The following FPR2 variants were observed in gnomAD, a reference collection of about 807,000 sequenced individuals.
The protein encoded by FPR2 is N-formyl peptide receptor 2.
Under a neutral mutation model 4.0 loss-of-function variants are expected in FPR2, and 3 were observed. The ratio of observed to expected loss-of-function variants is 0.74; its 90% CI spans 0.34 to 1.92. The LOEUF (loss-of-function observed/expected upper bound fraction) is 1.92, where lower values mean the gene tolerates loss of function less well. FPR2 is among the 30% of genes most tolerant of loss of function. FPR2 has a pLI of 0.07. For missense variants in FPR2, 372 were observed against 435.7 expected (o/e 0.85, Z 1.30); for synonymous variants, 179 against 171.5 (o/e 1.04, Z -0.34).
rs1490926137 is a variant in FPR2, at chr19:51,769,071, CTG to C, written c.416_417del (p.Val139GlufsTer49). 5 of 1,614,098 alleles carry C rather than the reference CTG, an allele frequency of 3.1e-6. No individual in the cohort carries two copies. Among genetic ancestry groups the C allele is most frequent in the Non-Finnish European group, 4.2e-6 (5 of 1,180,052 alleles). Reference sequence around the variant, plus strand: ...CCAGTCTGGGCCCAGAACCACCGCACTGTGAGTCTGGCCATGAAGGTGATCGT... The same window carrying C: ...CCAGTCTGGGCCCAGAACCACCGCACTGAGTCTGGCCATGAAGGTGATCGT... On this transcript the variant is annotated frameshift_variant, in exon 2 of 2. Coordinates refer to ENST00000340023, the MANE Select transcript of FPR2 (RefSeq NM_001005738.2). LOFTEE classifies it low-confidence loss of function (END_TRUNC). The surrounding 1 kb of genome is among the most constrained non-coding windows in gnomAD (Gnocchi z 4.4).
chr19:51,764,036 G>T (rs1275285175), intron 1 of FPR2, among the ~76,000 whole-genome samples: 1 of 152,192 alleles, frequency 6.6e-6, no homozygotes, highest in Non-Finnish European at 1.5e-5. Context: ...TGGGATTACA[G>T]GTGTGAGCCA....
At position 51,769,766 on chromosome 19, in the gene FPR2, T is replaced by G. The variant is rs1201188897; in HGVS notation, c.*52T>G. ...CTGTTCATCCTACCCTAATGCCAGT[T>G]CCAGCTTCATCTACCCTTGAGTCAT... On this transcript the variant is annotated 3_prime_UTR_variant, in exon 2 of 2. Transcript: ENST00000340023. This position sits in a 1 kb window ranked among gnomAD's most constrained non-coding sequence, Gnocchi z 4.4. The G allele has an allele frequency of 2.4e-5, 35 of 1,447,680 alleles. No individual in the cohort carries two copies. In the East Asian group the frequency reaches 8.0e-4, roughly 33 times the overall value. 89.7% of individuals were successfully genotyped at this position (1,447,680 alleles called of 1,614,324 possible). A position where few individuals can be genotyped will look rare whatever the true frequency, so the allele number is the denominator to read the frequency against.
At chr19:51,766,712 A>G (rs1399562137) in intron 1 of FPR2, among the ~76,000 whole-genome samples, 1 of 152,162 alleles carries the variant, frequency 6.6e-6, no homozygotes, top group African/African-American at 2.4e-5. Context: ...GTTGAAAAAA[A>G]CTACAGAAGT....
chr19:51,769,304 A>T lies in FPR2; in HGVS notation c.646A>T (p.Ile216Phe). 6.2e-7 allele frequency: 1 copy of T among 1,614,140 alleles called. No homozygotes were observed. Among genetic ancestry groups the T allele is most frequent in the Middle Eastern group, 1.6e-4 (1 of 6,062 alleles). Residue 216 changes from isoleucine to phenylalanine, a missense_variant, in exon 2 of 2, where the codon ATT becomes TTT. Physicochemically the swap from Ile to Phe is conservative, Grantham distance 21. Transcript: ENST00000340023. The surrounding 1 kb of genome is among the most constrained non-coding windows in gnomAD (Gnocchi z 4.4). ...CATTGGCTTTAGCTTGCCGATGTCC[A>T]TTGTTGCCATCTGCTATGGGCTCAT... ...FVIGFSLPMS[I>F]VAICYGLIAA...
chr19:51,766,459 G>A (rs529864003), intron 1 of FPR2, among the ~76,000 whole-genome samples: 3 of 152,290 alleles, frequency 2.0e-5, no homozygotes, highest in South Asian at 2.1e-4. Context: ...GAAACCCTGA[G>A]CTACATTAAA....
At chr19:51,764,536 C>T (rs959906246) in intron 1 of FPR2, among the ~76,000 whole-genome samples, 5 of 152,118 alleles carry the variant, frequency 3.3e-5, no homozygotes, top group African/African-American at 7.2e-5. Flanking sequence ...TTGCAACCCT[C>T]GATAATTGTG....
rs544547307 is a variant in FPR2 at position 51,761,238 on chromosome 19, G to C, written c.-15+8G>C. 14 of 152,334 alleles carry C rather than the reference G, an allele frequency of 9.2e-5. No homozygotes were observed. The highest frequency in any genetic ancestry group is 3.4e-4 in the African/African-American group (14 of 41,570). The allele number at this position is 152,334 out of a possible 1,614,324, so 9.4% of individuals were successfully genotyped here. A position where few individuals can be genotyped will look rare whatever the true frequency, so the allele number is the denominator to read the frequency against. On this transcript the variant is annotated splice_region_variant and intron_variant, in intron 1 of 1. Coordinates refer to ENST00000340023, the MANE Select transcript of FPR2 (RefSeq NM_001005738.2). Reference sequence around the variant, plus strand: ...AAAGGAGCTTAGCTGCTGGTAAGTTGGGGACTGACAATTTAAAATTTATCA... The same window carrying C: ...AAAGGAGCTTAGCTGCTGGTAAGTTCGGGACTGACAATTTAAAATTTATCA...
chr19:51,769,017 C>T lies in FPR2; in HGVS notation c.359C>T (p.Ala120Val). ...AGTGTCTTCTTGATTGGTTTCATTG[C>T]ACTGGACCGCTGCATTTGTGTCCTG... ...FGSVFLIGFI[A>V]LDRCICVLHP... Residue 120 changes from alanine to valine, a missense_variant, in exon 2 of 2, where the codon GCA (alanine) becomes GTA (valine). Ala to Val is a moderately conservative substitution (Grantham distance 64). Coordinates refer to ENST00000340023, the MANE Select transcript of FPR2 (RefSeq NM_001005738.2). This position sits in a 1 kb window ranked among gnomAD's most constrained non-coding sequence, Gnocchi z 4.4. 1 of 1,614,220 alleles carries T rather than the reference C, an allele frequency of 6.2e-7. No homozygotes were observed. Among genetic ancestry groups the T allele is most frequent in the Non-Finnish European group, 8.5e-7 (1 of 1,180,042 alleles).
chr19:51,769,587 G>A lies in FPR2; in HGVS notation c.929G>A (p.Arg310Gln), dbSNP rs148745659. 776 of 1,614,188 alleles carry A rather than the reference G, an allele frequency of 4.8e-4. No individual in the cohort carries two copies. Among genetic ancestry groups the A allele is most frequent in the Non-Finnish European group, 6.2e-4 (726 of 1,180,046 alleles). ...MLYVFVGQDF[R>Q]ERLIHSLPTS... is the part of the protein sequence containing the mutation. ...TACGTCTTTGTGGGCCAAGACTTCC[G>A]AGAGAGACTGATCCACTCCCTGCCC... Residue 310 changes from arginine (R) to glutamine (Q), a missense_variant, in exon 2 of 2, where the codon CGA becomes CAA. Coordinates refer to ENST00000340023, the MANE Select transcript of FPR2 (RefSeq NM_001005738.2). This position sits in a 1 kb window ranked among gnomAD's most constrained non-coding sequence, Gnocchi z 4.4.
In FPR2 at chr19:51,769,392, C is replaced by T. The variant is rs776426296; in HGVS notation, c.734C>T (p.Ala245Val). The stretch of plus-strand genomic sequence containing the variant: ...AGCCGTCCCTTACGGGTCCTCACTG[C>T]TGTGGTGGCTTCTTTCTTCATCTGT... ...KSSRPLRVLTAVVASFFICWF... is the reference protein window; with the variant it reads ...KSSRPLRVLTVVVASFFICWF... The change falls in exon 2 of 2, where the codon GCT becomes GTT. Residue 245 changes from alanine to valine, a missense_variant. Ala to Val is a moderately conservative substitution (Grantham distance 64, BLOSUM62 0). Transcript: ENST00000340023. The surrounding 1 kb of genome is among the most constrained non-coding windows in gnomAD (Gnocchi z 4.4). 14 of 1,614,114 alleles carry T rather than the reference C, an allele frequency of 8.7e-6. No homozygotes were observed. The highest frequency in any genetic ancestry group is 1.2e-5 in the Non-Finnish European group (14 of 1,180,044).
chr19:51,769,474 G>A lies in FPR2; in HGVS notation c.816G>A (p.Leu272=). 6.2e-7 allele frequency: 1 copy of A among 1,614,192 alleles called. No individual in the cohort carries two copies. The highest frequency in any genetic ancestry group is 8.5e-7 in the Non-Finnish European group (1 of 1,180,030). ...GCACCGTCTGGCTCAAAGAGATGTT[G>A]TTCTATGGCAAGTACAAAATCATTG... The part of the protein sequence containing the change: ...LLGTVWLKEM[L]FYGKYKIIDI... Residue 272 remains leucine (L), a synonymous_variant, in exon 2 of 2, where the codon TTG becomes TTA. Coordinates refer to ENST00000340023, the MANE Select transcript of FPR2 (RefSeq NM_001005738.2). This position sits in a 1 kb window ranked among gnomAD's most constrained non-coding sequence, Gnocchi z 4.4.
In FPR2 at chr19:51,761,597, T is replaced by C. The variant is rs7256993; in HGVS notation, c.-15+367T>C. Among the ~76,000 whole-genome samples, 1,464 of 152,248 alleles carry C rather than the reference T, an allele frequency of 9.6e-3. 30 individuals carry two copies. The highest frequency in any genetic ancestry group is 0.033 in the African/African-American group (1,366 of 41,546). On this transcript the variant is annotated intron_variant, in intron 1 of 1. Coordinates refer to ENST00000340023, the MANE Select transcript of FPR2 (RefSeq NM_001005738.2). ...TTGTAAGTCACGTGTGTGGCTGGCA[T>C]TTAGGGCTTGCATTACCCTGTCTCT...
At chr19:51,763,295 G>A (rs991959846) in intron 1 of FPR2, 2 of 152,212 alleles carry the variant, frequency 1.3e-5, no homozygotes, top group African/African-American at 4.8e-5. Flanking sequence ...CTGAAAAGCG[G>A]TGGCCAATTG....
At chr19:51,768,184 T>C (rs2083878223) in intron 1 of FPR2, among the ~76,000 whole-genome samples, 1 of 152,150 alleles carries the variant, frequency 6.6e-6, no homozygotes, top group East Asian at 1.9e-4. Context: ...TCAAGGGTTC[T>C]CACAGTTTGA....
intron 1 of FPR2, chr19:51,768,402 G>T (rs911564864): frequency 2.0e-5 from 9 of 458,452 alleles, no homozygotes; most frequent in Non-Finnish European, 3.5e-5. Context: ...TCCTCTTGGT[G>T]AAGTGATCAG....
intron 1 of FPR2, among the ~76,000 whole-genome samples, chr19:51,764,842 T>G (rs74933507): frequency 6.6e-6 from 1 of 152,162 alleles, no homozygotes; most frequent in African/African-American, 2.4e-5. Context: ...TTTTTTTTTT[T>G]CTGAGACAGA....
chr19:51,768,249 T>TGGTC, intron 1 of FPR2: 1 of 170,704 alleles, frequency 5.9e-6, no homozygotes, highest in Non-Finnish European at 1.3e-5. Flanking sequence ...TTGCAGAGCT[T>TGGTC]GCCAGCATGT....
At chr19:51,766,463 C>T (rs1404657759) in intron 1 of FPR2, among the ~76,000 whole-genome samples, 1 of 152,150 alleles carries the variant, frequency 6.6e-6, no homozygotes, top group Non-Finnish European at 1.5e-5. Flanking sequence ...CCCTGAGCTA[C>T]ATTAAATAAC....
chr19:51,766,993 T>A (rs1212424940), intron 1 of FPR2, among the ~76,000 whole-genome samples: 1 of 152,192 alleles, frequency 6.6e-6, no homozygotes, highest in Non-Finnish European at 1.5e-5. Context: ...TAAACTTGTA[T>A]CCTGGTGTTT....
Sources: gnomAD v4.1 joint callset for allele counts (sites outside exome capture counted in the v4.1 genomes callset) on GRCh38, gnomAD v4.1.1 for gene constraint, Gnocchi (gnomAD v3.1) non-coding constraint, MANE v1.5 for transcripts, NCBI Gene and HGNC (gene_info 2026-07-23, HGNC 2026-07-21) for gene names.